PARD6G: variants seen among roughly 807,000 people sequenced by gnomAD.
PARD6G encodes the protein partitioning defective 6 homolog gamma.
PARD6G carries 7 observed loss-of-function variants against 10.7 expected under a neutral mutation model. That is an observed-to-expected ratio of 0.66 (90% confidence interval 0.37 to 1.23). The LOEUF (loss-of-function observed/expected upper bound fraction) is 1.23. PARD6G is among the 50% of genes most tolerant of loss of function. The pLI is 0.02. For missense variants in PARD6G, 548 were observed against 571.8 expected, an observed-to-expected ratio of 0.96 and a Z score of 0.42; for synonymous variants, 287 against 269.4, an observed-to-expected ratio of 1.07 and a Z score of -0.64.
At chr18:80,211,632 T>G (rs1200541690) in intron 1 of PARD6G, among the ~76,000 whole-genome samples, 1 of 152,196 alleles carries the variant, frequency 6.6e-6, no homozygotes, top group Non-Finnish European at 1.5e-5. Flanking sequence ...GCAGCATCAT[T>G]CACAATAGCT....
At position 80,180,918 on chromosome 18, in the gene PARD6G, T is replaced by G. The variant is rs184535402; in HGVS notation, c.296-20312A>C. Among the ~76,000 whole-genome samples the G allele has an allele frequency of 1.3e-3, 191 of 152,198 alleles. No homozygotes were observed. Among genetic ancestry groups the G allele is most frequent in the African/African-American group, 4.4e-3 (183 of 41,532 alleles). On this transcript the variant is annotated intron_variant, in intron 2 of 2. Coordinates refer to ENST00000353265, the MANE Select transcript of PARD6G (RefSeq NM_032510.4). This position sits in a 1 kb window ranked among gnomAD's most constrained non-coding sequence, Gnocchi z 5.6. ...TAGACAGCAGAGGCCGGGGCACCGA[T>G]AGCTCTCCACATGCAGATGCCCCAC...
rs951869453 is a variant in PARD6G, at chr18:80,192,291, G to A, written c.295+10419C>T. Among the ~76,000 whole-genome samples the A allele has an allele frequency of 6.6e-6, 1 of 152,218 alleles. No individual in the cohort carries two copies. The highest frequency in any genetic ancestry group is 2.4e-5 in the African/African-American group (1 of 41,462). On this transcript the variant is annotated intron_variant, in intron 2 of 2. Transcript: ENST00000353265. The surrounding 1 kb of genome is among the most constrained non-coding windows in gnomAD (Gnocchi z 4.9). The stretch of plus-strand genomic sequence containing the variant: ...GAGGTGGGGTGCAGTGCAGGCAGAG[G>A]GGCCTTCTGGCCTCAGCTCCAGCTC...
rs115488719 is a variant in PARD6G at position 80,175,351 on chromosome 18, G to A, written c.296-14745C>T. Among the ~76,000 whole-genome samples, 924 of 152,258 alleles carry A rather than the reference G, an allele frequency of 6.1e-3. 6 individuals are homozygous for A. Among genetic ancestry groups the A allele is most frequent in the African/African-American group, 0.021 (871 of 41,546 alleles). On this transcript the variant is annotated intron_variant, in intron 2 of 2. Coordinates refer to ENST00000353265, the MANE Select transcript of PARD6G (RefSeq NM_032510.4). The surrounding 1 kb of genome is among the most constrained non-coding windows in gnomAD (Gnocchi z 6.7). ...GCTGGAAAGTCCCATATCAAGGTCC[G>A]GCTTGTAACAGTTTCTGGGGAGGGC...
intron 2 of PARD6G, chr18:80,171,071 C>T (rs1403802750): frequency 6.6e-6 from 1 of 152,120 alleles, no homozygotes; most frequent in African/African-American, 2.4e-5. Flanking sequence ...AAATACCACC[C>T]CAAGTAATCT....
At chr18:80,196,819 C>T (rs934446656) in intron 2 of PARD6G, among the ~76,000 whole-genome samples, 2 of 146,984 alleles carry the variant, frequency 1.4e-5, no homozygotes, top group Non-Finnish European at 3.0e-5. Flanking sequence ...CCTACTCTAG[C>T]GTGAACGCGG....
At chr18:80,162,989 G>A (rs2052710646) in intron 2 of PARD6G, among the ~76,000 whole-genome samples, 1 of 152,226 alleles carries the variant, frequency 6.6e-6, no homozygotes, top group South Asian at 2.1e-4. Flanking sequence ...CTCATTCTAA[G>A]TGGGAGGGAC....
intron 1 of PARD6G, among the ~76,000 whole-genome samples, chr18:80,224,846 CA>C (rs568835380): frequency 1.6e-4 from 24 of 146,718 alleles, no homozygotes; most frequent in Non-Finnish European, 3.2e-4. Flanking sequence ...GACTCCGTTT[CA>C]AAAAAAAAAG....
chr18:80,245,417 G>C (rs1159934154), intron 1 of PARD6G, among the ~76,000 whole-genome samples: 2 of 152,180 alleles, frequency 1.3e-5, no homozygotes, highest in Non-Finnish European at 2.9e-5. Flanking sequence ...GATGAAAGGG[G>C]AAAACTGCTC....
chr18:80,203,943 G>A (rs775268153), intron 1 of PARD6G, among the ~76,000 whole-genome samples: 1 of 152,134 alleles, frequency 6.6e-6, no homozygotes, highest in African/African-American at 2.4e-5. Flanking sequence ...ATGTACACCC[G>A]CCTCAGGAGC....
intron 2 of PARD6G, among the ~76,000 whole-genome samples, chr18:80,193,442 T>C (rs1394221414): frequency 6.6e-6 from 1 of 152,216 alleles, no homozygotes; most frequent in African/African-American, 2.4e-5. Flanking sequence ...TTGTAGAAAT[T>C]TATACTTTTA....
intron 2 of PARD6G, among the ~76,000 whole-genome samples, chr18:80,194,615 G>A (rs1357449138): frequency 6.6e-6 from 1 of 152,044 alleles, no homozygotes; most frequent in Admixed American, 6.6e-5. Context: ...AGTTCCGTGG[G>A]GTAGGGGTGA....
chr18:80,211,085 T>G (rs1006248196), intron 1 of PARD6G, among the ~76,000 whole-genome samples: 3 of 152,232 alleles, frequency 2.0e-5, no homozygotes, highest in Non-Finnish European at 4.4e-5. Flanking sequence ...TCTTTTTTTT[T>G]GAAAAGCCAT....
chr18:80,220,036 C>T (rs560769446), intron 1 of PARD6G, among the ~76,000 whole-genome samples: 2 of 152,294 alleles, frequency 1.3e-5, no homozygotes, highest in African/African-American at 2.4e-5. Flanking sequence ...GCTATAAGGA[C>T]ATGCCCAAGA....
intron 2 of PARD6G, among the ~76,000 whole-genome samples, chr18:80,177,198 TCA>T (rs938763508): frequency 2.1e-5 from 2 of 97,116 alleles, no homozygotes; most frequent in African/African-American, 8.9e-5. Flanking sequence ...ACAGTATAAA[TCA>T]CAGCCTAAAT....
chr18:80,158,673 T>A lies in PARD6G; in HGVS notation c.*1098A>T, dbSNP rs1030248451. 3 of 152,072 alleles carry A rather than the reference T, an allele frequency of 2.0e-5. No individual in the cohort carries two copies. Among genetic ancestry groups the A allele is most frequent in the Non-Finnish European group, 4.4e-5 (3 of 68,062 alleles). 9.4% of individuals were successfully genotyped at this position (152,072 alleles called of 1,614,324 possible). On this transcript the variant is annotated 3_prime_UTR_variant, in exon 3 of 3. Coordinates refer to ENST00000353265, the MANE Select transcript of PARD6G (RefSeq NM_032510.4). ...GACCAGCCTGACCAACGTGGTGAAATCCCATCTCTACTAAAAATACAAAAA... is the reference window on the plus strand; with the variant it reads ...GACCAGCCTGACCAACGTGGTGAAAACCCATCTCTACTAAAAATACAAAAA...
Position 80,188,649 on chromosome 18 carries a change from A to G in PARD6G, c.295+14061T>C, listed in dbSNP as rs564949219. On this transcript the variant is annotated intron_variant, in intron 2 of 2. Coordinates refer to ENST00000353265, the MANE Select transcript of PARD6G (RefSeq NM_032510.4). This position sits in a 1 kb window ranked among gnomAD's most constrained non-coding sequence, Gnocchi z 5.4. ...TGCTCTTGAGTTTTTATGATGAAGG[A>G]AAAAGAAAGGAAACATGGGCCCCTA... 1.5e-4 allele frequency among the ~76,000 whole-genome samples: 23 copies of G among 152,164 alleles called. No homozygotes were observed. The highest frequency in any genetic ancestry group is 2.9e-4 in the Non-Finnish European group (20 of 68,026).
rs748124662 is a variant in PARD6G at position 80,247,263 on chromosome 18, G to C, written c.72+14C>G. On this transcript the variant is annotated intron_variant, in intron 1 of 2. Transcript: ENST00000353265. The surrounding 1 kb of genome is among the most constrained non-coding windows in gnomAD (Gnocchi z 4.2). Reference sequence around the variant, plus strand: ...GACTGGGCGCAGGGCCGCCGGGGCGGGCGGGGGGCTTACCTTGCTCTTGAC... The same window carrying C: ...GACTGGGCGCAGGGCCGCCGGGGCGCGCGGGGGGCTTACCTTGCTCTTGAC... 7 of 1,570,192 alleles carry C rather than the reference G, an allele frequency of 4.5e-6. No homozygotes were observed. The highest frequency in any genetic ancestry group is 3.6e-5 in the Admixed American group (2 of 55,590).
intron 2 of PARD6G, among the ~76,000 whole-genome samples, chr18:80,172,124 G>A (rs781668850): frequency 6.6e-6 from 1 of 152,136 alleles, no homozygotes; most frequent in Non-Finnish European, 1.5e-5. Flanking sequence ...TTTCTACAGC[G>A]GTTGAAACAT....
chr18:80,157,417 C>T lies in PARD6G; in HGVS notation c.*2354G>A, dbSNP rs2052662985. ...AATTCCTAAAATTATGAATAGCACACAAATCTCAGTGAAAGCCTCATTTCT... is the reference window on the plus strand; with the variant it reads ...AATTCCTAAAATTATGAATAGCACATAAATCTCAGTGAAAGCCTCATTTCT... On this transcript the variant is annotated 3_prime_UTR_variant, in exon 3 of 3. Coordinates refer to ENST00000353265, the MANE Select transcript of PARD6G (RefSeq NM_032510.4). The T allele has an allele frequency of 6.6e-6, 1 of 151,916 alleles. No homozygotes were observed. The allele number at this position is 151,916 out of a possible 1,614,324, so 9.4% of individuals were successfully genotyped here. A position where few individuals can be genotyped will look rare whatever the true frequency, so the allele number is the denominator to read the frequency against.
Sources: gnomAD v4.1 joint callset for allele counts (sites outside exome capture counted in the v4.1 genomes callset) on GRCh38, gnomAD v4.1.1 for gene constraint, Gnocchi (gnomAD v3.1) non-coding constraint, MANE v1.5 for transcripts, NCBI Gene and HGNC (gene_info 2026-07-23, HGNC 2026-07-21) for gene names.